Variants in ZCCHC9 observed in about 807,000 individuals in gnomAD.
ZCCHC9 encodes zinc finger CCHC domain-containing protein 9.
In ZCCHC9, 18 loss-of-function variants were observed where a neutral mutation model predicts 30.8. That is an observed-to-expected ratio of 0.58 (90% confidence interval 0.40 to 0.87). The LOEUF (loss-of-function observed/expected upper bound fraction) is 0.87. Among genes scored for constraint, ZCCHC9 ranks in the 40% least tolerant of loss-of-function variants. ZCCHC9 has a pLI of 0.00. For missense variants in ZCCHC9, 279 were observed against 331.2 expected (o/e 0.84, Z 1.22); for synonymous variants, 94 against 106.7 (o/e 0.88, Z 0.73).
intron 5 of ZCCHC9, among the ~76,000 whole-genome samples, chr5:81,311,657 A>G (rs561794165): frequency 2.0e-5 from 3 of 152,246 alleles, no homozygotes; most frequent in Non-Finnish European, 4.4e-5. Context: ...GAGTGTCCTT[A>G]TGTATGCTTT....
In ZCCHC9 at chr5:81,312,856, A is replaced by G. The variant is rs959294241; in HGVS notation, c.*194A>G. On this transcript the variant is annotated 3_prime_UTR_variant, in exon 6 of 6. Transcript: ENST00000407610. ...TCTACCACTGTTTGGAGAAAATTGA[A>G]GAAAAGAATAAGATGATTAAATGAA... 1 of 419,708 alleles carries G rather than the reference A, an allele frequency of 2.4e-6. No individual in the cohort carries two copies. The highest frequency in any genetic ancestry group is 2.0e-5 in the African/African-American group (1 of 49,868). 26.0% of individuals were successfully genotyped at this position (419,708 alleles called of 1,614,324 possible). A position where few individuals can be genotyped will look rare whatever the true frequency, so the allele number is the denominator to read the frequency against.
intron 2 of ZCCHC9, among the ~76,000 whole-genome samples, chr5:81,307,436 T>C (rs1409903471): frequency 1.3e-5 from 2 of 151,106 alleles, no homozygotes; most frequent in South Asian, 4.2e-4. Context: ...CTGAGGCAGG[T>C]GCATCAGGAG....
Position 81,312,637 on chromosome 5 carries a change from A to G in ZCCHC9, c.791A>G (p.Lys264Arg), listed in dbSNP as rs772436300. 13 of 1,613,524 alleles carry G rather than the reference A, an allele frequency of 8.1e-6. No individual in the cohort carries two copies. In the East Asian group the frequency reaches 2.7e-4, roughly 33 times the overall value. Residue 264 changes from lysine to arginine, a missense_variant, in exon 6 of 6, where the codon AAA (lysine) becomes AGA (arginine). Physicochemically the swap from Lys to Arg is conservative, Grantham distance 26 (BLOSUM62 2). Coordinates refer to ENST00000407610, the MANE Select transcript of ZCCHC9 (RefSeq NM_001131035.2). ...CCTAAACCGCAAAAACCCAAAACAA[A>G]AATACCTAAAGTTGTTAATTTTTGA... ...DVPKPQKPKT[K>R]IPKVVNF is the part of the protein sequence containing the mutation.
In ZCCHC9 at chr5:81,312,579, A is replaced by G. The variant is rs745667848; in HGVS notation, c.733A>G (p.Met245Val). 41 of 1,613,828 alleles carry G rather than the reference A, an allele frequency of 2.5e-5. 1 individual carries two copies. The highest frequency in any genetic ancestry group is 2.0e-4 in the South Asian group (18 of 91,066). ...MVTVGRWAKG[M>V]SADYEEILDV... The stretch of plus-strand genomic sequence containing the variant: ...CACAGTTGGTCGCTGGGCAAAGGGA[A>G]TGAGTGCAGACTATGAAGAAATTTT... Residue 245 changes from methionine (M) to valine (V), a missense_variant, in exon 6 of 6, where the codon ATG (methionine) becomes GTG (valine). Physicochemically the swap from Met to Val is conservative, Grantham distance 21. Coordinates refer to ENST00000407610, the MANE Select transcript of ZCCHC9 (RefSeq NM_001131035.2).
Position 81,311,217 on chromosome 5 carries a change from G to A in ZCCHC9, c.635G>A (p.Gly212Asp), listed in dbSNP as rs774828140. The A allele has an allele frequency of 3.7e-6, 6 of 1,614,066 alleles. No homozygotes were observed. Among genetic ancestry groups the A allele is most frequent in the Non-Finnish European group, 4.2e-6 (5 of 1,179,950 alleles). Reference protein sequence around the residue: ...NPKGLYADGGGCKLCGSVEHL... With the variant: ...NPKGLYADGGDCKLCGSVEHL... ...GGCTTTGCTCTTTCAATAGGTGGCG[G>A]TTGCAAACTTTGTGGCTCTGTGGAA... The change falls in exon 5 of 6, where the codon GGT (glycine) becomes GAT (aspartate). Residue 212 changes from glycine to aspartate, a missense_variant. Gly to Asp is a moderately conservative substitution (Grantham distance 94, BLOSUM62 -1). Coordinates refer to ENST00000407610, the MANE Select transcript of ZCCHC9 (RefSeq NM_001131035.2).
rs766532477 is a variant in ZCCHC9 at position 81,312,546 on chromosome 5, C to T, written c.700C>T (p.Arg234Ter). Residue 234 changes from arginine to a stop codon, truncating the protein, a stop_gained and splice_region_variant, in exon 6 of 6, where the codon CGA (arginine) becomes TGA (stop). Transcript: ENST00000407610. LOFTEE classifies it high-confidence loss of function. The stretch of plus-strand genomic sequence containing the variant: ...CTGATTTTTCTATTCCTTTACAGAG[C>T]GAATGGTCACAGTTGGTCGCTGGGC... ...KDCPESQNSE[R>*]MVTVGRWAKG... The T allele has an allele frequency of 3.7e-6, 6 of 1,610,970 alleles. No homozygotes were observed. The highest frequency in any genetic ancestry group is 1.3e-5 in the African/African-American group (1 of 74,792).
At chr5:81,311,831 G>A (rs1758297857) in intron 5 of ZCCHC9, among the ~76,000 whole-genome samples, 1 of 152,172 alleles carries the variant, frequency 6.6e-6, no homozygotes, top group South Asian at 2.1e-4. Flanking sequence ...AGACTTTTAA[G>A]GAAGTGGAGA....
chr5:81,311,367 G>A, intron 5 of ZCCHC9, 88 bp downstream of exon 5: 1 of 1,320,284 alleles, frequency 7.6e-7, no homozygotes, highest in Non-Finnish European at 1.1e-6. Context: ...ACTCAATTGG[G>A]ATACTAATGA....
Position 81,308,671 on chromosome 5 carries a change from C to T in ZCCHC9, c.495C>T (p.His165=), listed in dbSNP as rs775416524. The change falls in exon 3 of 6, where the codon CAC becomes CAT. Residue 165 remains histidine (H), a synonymous_variant. Transcript: ENST00000407610. ...GTTACAGGTGTGGGTCCACAGAGCA[C>T]GAAATAACCAAGTGTAAGGCTAAAG... ...GICYRCGSTE[H]EITKCKAKVD... 2.1e-5 allele frequency: 34 copies of T among 1,613,108 alleles called. No homozygotes were observed. Among genetic ancestry groups the T allele is most frequent in the Admixed American group, 3.3e-5 (2 of 59,754 alleles).
intron 2 of ZCCHC9, among the ~76,000 whole-genome samples, chr5:81,307,187 G>T (rs1758101993): frequency 6.6e-6 from 1 of 152,064 alleles, no homozygotes. Context: ...TTAAATATCT[G>T]CCATCTTTGA....
chr5:81,305,239 T>G lies in ZCCHC9; in HGVS notation c.384+98T>G, dbSNP rs1580491229. On this transcript the variant is annotated intron_variant, in intron 2 of 5. Coordinates refer to ENST00000407610, the MANE Select transcript of ZCCHC9 (RefSeq NM_001131035.2). ...TACCTTAGCCAGCTCTGGTTACCAT[T>G]ATGTCCCAGATTTATAGAGCATCGT... The G allele has an allele frequency of 8.2e-6, 12 of 1,455,012 alleles. No individual in the cohort carries two copies. The East Asian group carries it at 2.9e-4, about 35-fold the overall frequency. The allele number at this position is 1,455,012 out of a possible 1,614,324, so 90.1% of individuals were successfully genotyped here. A position where few individuals can be genotyped will look rare whatever the true frequency, so the allele number is the denominator to read the frequency against.
intron 1 of ZCCHC9, chr5:81,303,784 A>G: frequency 6.6e-6 from 1 of 152,234 alleles, no homozygotes; most frequent in East Asian, 1.9e-4. Flanking sequence ...CTCCATTATA[A>G]TCATCTGAGA....
intron 5 of ZCCHC9, 110 bp downstream of exon 5, chr5:81,311,389 C>T: frequency 9.1e-7 from 1 of 1,101,052 alleles, no homozygotes; most frequent in Non-Finnish European, 1.4e-6. Flanking sequence ...TTTAAGACAA[C>T]CTGTTTTCCT....
At chr5:81,309,298 C>A (rs1241262384) in intron 4 of ZCCHC9, 2 of 340,538 alleles carry the variant, frequency 5.9e-6, no homozygotes, top group East Asian at 5.0e-5. Flanking sequence ...CTATGTCATA[C>A]ATTTCTACTT....
chr5:81,305,175 T>C lies in ZCCHC9; in HGVS notation c.384+34T>C, dbSNP rs761832068. On this transcript the variant is annotated intron_variant, in intron 2 of 5. Transcript: ENST00000407610. Reference sequence around the variant, plus strand: ...ATCACTTCTACCATGTTATTTACTTTATTTAGCTGGAAACTATTCTTATAT... The same window carrying C: ...ATCACTTCTACCATGTTATTTACTTCATTTAGCTGGAAACTATTCTTATAT... 6.5e-6 allele frequency: 10 copies of C among 1,546,356 alleles called. No individual in the cohort carries two copies. In the Admixed American group the frequency reaches 2.2e-4, roughly 33 times the overall value.
chr5:81,310,826 A>G (rs1758259062), intron 4 of ZCCHC9, among the ~76,000 whole-genome samples: 1 of 152,218 alleles, frequency 6.6e-6, no homozygotes, highest in Non-Finnish European at 1.5e-5. Flanking sequence ...AGAATCTGAC[A>G]TGCTATTCAG....
At chr5:81,301,925 C>G (rs1387823144) in intron 1 of ZCCHC9, 1 of 152,396 alleles carries the variant, frequency 6.6e-6, no homozygotes, top group African/African-American at 2.4e-5. Context: ...GCTTGGCTCT[C>G]CCACTTCACC....
intron 5 of ZCCHC9, among the ~76,000 whole-genome samples, chr5:81,311,785 A>G (rs1284162830): frequency 1.3e-5 from 2 of 152,168 alleles, no homozygotes; most frequent in East Asian, 3.9e-4. Flanking sequence ...AGCCTTATTC[A>G]TCAAACACTT....
chr5:81,305,542 G>C (rs1758062489), intron 2 of ZCCHC9, among the ~76,000 whole-genome samples: 4 of 150,306 alleles, frequency 2.7e-5, no homozygotes, highest in Non-Finnish European at 1.5e-5. Flanking sequence ...AGGATCACTT[G>C]AGCCCAGGAA....
Sources: allele counts gnomAD v4.1 joint callset (sites outside exome capture counted in the v4.1 genomes callset), GRCh38; gene constraint gnomAD v4.1.1; transcripts MANE v1.5; gene names NCBI Gene and HGNC (gene_info 2026-07-23, HGNC 2026-07-21).